NPAS3: variants seen among roughly 807,000 people sequenced by gnomAD.
The protein encoded by NPAS3 is neuronal PAS domain-containing protein 3.
In NPAS3, 14 loss-of-function variants were observed where a neutral mutation model predicts 73.1. The observed-to-expected ratio is 0.19, with a 90% confidence interval of 0.13 to 0.30. NPAS3 has a LOEUF of 0.30. Among genes scored for constraint, NPAS3 ranks in the 10% least tolerant of loss-of-function variants. The pLI is 1.00. For missense variants in NPAS3, 1,096 were observed against 1,250.0 expected (o/e 0.88, Z 1.86); for synonymous variants, 620 against 541.5 (o/e 1.14, Z -2.01).
At chr14:33,041,921 G>A (rs1267042017) in intron 1 of NPAS3, among the ~76,000 whole-genome samples, 1 of 152,104 alleles carries the variant, frequency 6.6e-6, no homozygotes, top group African/African-American at 2.4e-5. Context: ...GATCTGGTGA[G>A]TTTCAGTTCC....
chr14:32,983,660 T>G (rs2037987134), intron 1 of NPAS3, among the ~76,000 whole-genome samples: 1 of 152,094 alleles, frequency 6.6e-6, no homozygotes, highest in South Asian at 2.1e-4. Context: ...TGGCTATATA[T>G]TAGTGATGCT....
At chr14:33,061,804 T>C (rs1426253455) in intron 2 of NPAS3, among the ~76,000 whole-genome samples, 3 of 152,178 alleles carry the variant, frequency 2.0e-5, no homozygotes, top group Non-Finnish European at 4.4e-5. Context: ...TATCAATAAG[T>C]AATTGACATT....
chr14:33,060,716 G>A (rs181380287), intron 2 of NPAS3, among the ~76,000 whole-genome samples: 115 of 152,316 alleles, frequency 7.6e-4, no homozygotes, highest in African/African-American at 2.6e-3. Flanking sequence ...ATTGTCTATA[G>A]CCCTCATTGC....
At chr14:33,363,645 A>T (rs1391045095) in intron 3 of NPAS3, among the ~76,000 whole-genome samples, 2 of 152,150 alleles carry the variant, frequency 1.3e-5, no homozygotes, top group Middle Eastern at 3.2e-3. Flanking sequence ...TACTGGACCT[A>T]CTTTTGTTTT....
intron 4 of NPAS3, among the ~76,000 whole-genome samples, chr14:33,534,842 G>A (rs1415404752): frequency 1.3e-5 from 2 of 152,146 alleles, no homozygotes; most frequent in Admixed American, 6.6e-5. Context: ...TTGGGGCACA[G>A]TGGAATGGGG....
At chr14:33,087,915 G>A (rs1329967794) in intron 2 of NPAS3, among the ~76,000 whole-genome samples, 1 of 152,312 alleles carries the variant, frequency 6.6e-6, no homozygotes, top group East Asian at 1.9e-4. Context: ...ACTTCAGTAA[G>A]TACCTCACCC....
In NPAS3 at chr14:33,633,290, C is replaced by T. The variant is rs79234432; in HGVS notation, c.559-42921C>T. ...TGTAATTGATGCCCTCGAATGCAAA[C>T]TTATTTGAAAAAAAACTAATACCAC... On this transcript the variant is annotated intron_variant, in intron 5 of 11. Transcript: ENST00000356141. 2.1e-3 allele frequency among the ~76,000 whole-genome samples: 323 copies of T among 152,042 alleles called. 2 individuals are homozygous for T. Among genetic ancestry groups the T allele is most frequent in the African/African-American group, 6.9e-3 (284 of 41,458 alleles).
chr14:33,059,298 T>G (rs966076083), intron 2 of NPAS3, among the ~76,000 whole-genome samples: 2 of 152,228 alleles, frequency 1.3e-5, no homozygotes, highest in Non-Finnish European at 2.9e-5. Flanking sequence ...ATTAGACAAT[T>G]GTTTCAATAA....
chr14:33,693,342 C>T (rs1364986114), intron 6 of NPAS3, among the ~76,000 whole-genome samples: 3 of 152,178 alleles, frequency 2.0e-5, no homozygotes, highest in Admixed American at 2.0e-4. Flanking sequence ...AGTCAGAAAG[C>T]TACAGTTGCA....
intron 5 of NPAS3, among the ~76,000 whole-genome samples, chr14:33,673,734 A>T (rs2059676217): frequency 6.6e-6 from 1 of 152,206 alleles, no homozygotes; most frequent in Non-Finnish European, 1.5e-5. Flanking sequence ...ATCCATGTGG[A>T]ATACAATGTG....
chr14:33,427,224 C>T (rs552513659), intron 4 of NPAS3, among the ~76,000 whole-genome samples: 8 of 152,042 alleles, frequency 5.3e-5, no homozygotes, highest in Middle Eastern at 3.4e-3. Flanking sequence ...TTTGAGAAGA[C>T]GATTCTCTGC....
At chr14:33,079,667 A>C (rs1200577767) in intron 2 of NPAS3, among the ~76,000 whole-genome samples, 1 of 123,512 alleles carries the variant, frequency 8.1e-6, no homozygotes, top group Admixed American at 1.1e-4. Context: ...GCTGGAGTGC[A>C]GTGGTGCCAT....
chr14:33,753,632 G>A (rs1595555671), intron 7 of NPAS3, among the ~76,000 whole-genome samples: 1 of 152,210 alleles, frequency 6.6e-6, no homozygotes, highest in Non-Finnish European at 1.5e-5. Flanking sequence ...AGCAGATCAT[G>A]CAGCCAATAC....
intron 1 of NPAS3, among the ~76,000 whole-genome samples, chr14:33,002,841 T>G (rs879714925): frequency 2.0e-5 from 3 of 152,190 alleles, no homozygotes; most frequent in Admixed American, 6.6e-5. Context: ...TTGGTATGTT[T>G]GTAAGAGCTC....
Position 33,436,897 on chromosome 14 carries a change from T to G in NPAS3, c.468+69629T>G, listed in dbSNP as rs180908622. Reference sequence around the variant, plus strand: ...AGGAAAAACAACAACTCTTCCTTATTGAAATTCTAGCTGTTGTGCCTTAAT... The same window carrying G: ...AGGAAAAACAACAACTCTTCCTTATGGAAATTCTAGCTGTTGTGCCTTAAT... On this transcript the variant is annotated intron_variant, in intron 4 of 11. Coordinates refer to ENST00000356141, the Ensembl canonical transcript of NPAS3. 3.2e-4 allele frequency among the ~76,000 whole-genome samples: 48 copies of G among 152,346 alleles called. No individual in the cohort carries two copies. The East Asian group carries it at 9.1e-3, about 29-fold the overall frequency.
chr14:33,413,439 G>A (rs145205783), intron 4 of NPAS3, among the ~76,000 whole-genome samples: 103 of 152,206 alleles, frequency 6.8e-4, no homozygotes, highest in Non-Finnish European at 1.2e-3. Context: ...TTTAGGAACT[G>A]CAGCATCCTC....
At chr14:33,185,777 T>TTTTGGTTCC (rs968913198) in intron 2 of NPAS3, among the ~76,000 whole-genome samples, 1 of 152,152 alleles carries the variant, frequency 6.6e-6, no homozygotes. Context: ...AAGATGTTCT[T>TTTTGGTTCC]TTTGGTTCCT....
At chr14:33,651,340 C>T (rs1396427367) in intron 5 of NPAS3, among the ~76,000 whole-genome samples, 2 of 152,152 alleles carry the variant, frequency 1.3e-5, no homozygotes, top group Non-Finnish European at 2.9e-5. Context: ...TAGGACATCA[C>T]TGTTCATAGG....
intron 1 of NPAS3, among the ~76,000 whole-genome samples, chr14:32,992,421 G>A (rs1190044039): frequency 6.6e-6 from 1 of 152,122 alleles, no homozygotes; most frequent in East Asian, 1.9e-4. Context: ...CCAGGTATTT[G>A]GGGTAGGCAC....
Sources: gnomAD v4.1 joint callset for allele counts (sites outside exome capture counted in the v4.1 genomes callset) on GRCh38, gnomAD v4.1.1 for gene constraint, MANE v1.5 for transcripts, NCBI Gene and HGNC (gene_info 2026-07-23, HGNC 2026-07-21) for gene names.